The following CDH11 variants were observed in gnomAD, a reference collection of about 807,000 sequenced individuals.
CDH11 encodes the protein cadherin-11.
In CDH11, 11 loss-of-function variants were observed where a neutral mutation model predicts 67.8. That is an observed-to-expected ratio of 0.16 (90% CI 0.10 to 0.27). The LOEUF is 0.27. Among genes scored for constraint, CDH11 ranks in the 10% least tolerant of loss-of-function variants. The pLI, the probability that CDH11 is intolerant of heterozygous loss-of-function variation, is 1.00. For synonymous variants in CDH11, 419 were observed against 400.0 expected (o/e 1.05, Z -0.57); for missense variants, 847 against 1,031.2 (o/e 0.82, Z 2.45).
At chr16:65,007,823 C>T (rs2073092891) in intron 2 of CDH11, among the ~76,000 whole-genome samples, 1 of 152,138 alleles carries the variant, frequency 6.6e-6, no homozygotes, top group African/African-American at 2.4e-5. Flanking sequence ...GGGATTATAT[C>T]TTATTCACAT....
At position 64,947,291 on chromosome 16, in the gene CDH11, C is replaced by T. The variant is rs2142361992; in HGVS notation, c.*312G>A. ...AAGAAAGACTTGGATGTTCATAACA[C>T]ATAAACAATTTCCCTTCATTGTCAG... On this transcript the variant is annotated 3_prime_UTR_variant, in exon 13 of 13. Transcript: ENST00000268603. The T allele has an allele frequency of 1.7e-6, 2 of 1,162,204 alleles. No individual in the cohort carries two copies. Among genetic ancestry groups the T allele is most frequent in the Non-Finnish European group, 2.1e-6 (2 of 939,156 alleles). The allele number at this position is 1,162,204 out of a possible 1,614,324, so 72.0% of individuals were successfully genotyped here. A position where few individuals can be genotyped will look rare whatever the true frequency, so the allele number is the denominator to read the frequency against.
chr16:64,968,052 G>T (rs369471146), intron 11 of CDH11, among the ~76,000 whole-genome samples: 86 of 152,238 alleles, frequency 5.6e-4, no homozygotes, highest in African/African-American at 1.9e-3. Context: ...CTTTTGAAAT[G>T]AATTAACTAG....
intron 1 of CDH11, among the ~76,000 whole-genome samples, chr16:65,105,831 A>G (rs2075057902): frequency 6.6e-6 from 1 of 152,250 alleles, no homozygotes. Flanking sequence ...AGGGGAAACA[A>G]TACTATAGAT....
chr16:64,997,610 A>G (rs2072808223), intron 4 of CDH11, among the ~76,000 whole-genome samples: 2 of 152,140 alleles, frequency 1.3e-5, no homozygotes, highest in African/African-American at 2.4e-5. Context: ...AGGCTGAAGG[A>G]CTGGGCAGGG....
At chr16:65,074,502 C>CAT (rs142984909) in intron 1 of CDH11, among the ~76,000 whole-genome samples, 10 of 152,034 alleles carry the variant, frequency 6.6e-5, no homozygotes, top group East Asian at 1.9e-4. Flanking sequence ...TAAGATAATT[C>CAT]ATATATATAT....
intron 12 of CDH11, 150 bp downstream of exon 12, chr16:64,950,617 C>A: frequency 1.2e-6 from 1 of 831,718 alleles, no homozygotes; most frequent in Non-Finnish European, 1.8e-6. Flanking sequence ...ACAACGCCCA[C>A]CCCGCCCCCG....
chr16:64,945,770 T>G lies in CDH11; in HGVS notation c.*1833A>C. On this transcript the variant is annotated 3_prime_UTR_variant, in exon 13 of 13. Transcript: ENST00000268603. ...CATAAAAAACATTTCTTTGTATGCA[T>G]GTTGACTAAATCATAAAAATAGTAC... 1 of 1,043,760 alleles carries G rather than the reference T, an allele frequency of 9.6e-7. No individual in the cohort carries two copies. The highest frequency in any genetic ancestry group is 4.6e-5 in the South Asian group (1 of 21,804). 64.7% of individuals were successfully genotyped at this position (1,043,760 alleles called of 1,614,324 possible). A position where few individuals can be genotyped will look rare whatever the true frequency, so the allele number is the denominator to read the frequency against.
At chr16:65,120,133 T>C (rs12443573) in intron 1 of CDH11, among the ~76,000 whole-genome samples, 32,105 of 152,132 alleles carry the variant, frequency 0.21, 3,728 homozygotes, top group Middle Eastern at 0.32. Flanking sequence ...AGTTAATATT[T>C]CTGTTCTGGT....
intron 1 of CDH11, among the ~76,000 whole-genome samples, chr16:65,080,866 T>C (rs1351526010): frequency 6.6e-6 from 1 of 152,240 alleles, no homozygotes; most frequent in African/African-American, 2.4e-5. Context: ...CTTAGATTAT[T>C]GATGCATCAA....
At chr16:64,957,763 C>G (rs1338771441) in intron 11 of CDH11, among the ~76,000 whole-genome samples, 2 of 152,028 alleles carry the variant, frequency 1.3e-5, no homozygotes, top group Admixed American at 6.6e-5. Context: ...ATAGATGACA[C>G]ACAACTACAA....
chr16:64,946,813 C>T lies in CDH11; in HGVS notation c.*790G>A. ...AAATCTTTTTTTATTTCAAAGATTG[C>T]TTCTTATATTGAAGCTCATATTAAA... On this transcript the variant is annotated 3_prime_UTR_variant, in exon 13 of 13. Coordinates refer to ENST00000268603, the MANE Select transcript of CDH11 (RefSeq NM_001797.4). 1.1e-6 allele frequency: 1 copy of T among 876,826 alleles called. No individual in the cohort carries two copies. The highest frequency in any genetic ancestry group is 1.4e-6 in the Non-Finnish European group (1 of 720,042). The allele number at this position is 876,826 out of a possible 1,614,324, so 54.3% of individuals were successfully genotyped here. A position where few individuals can be genotyped will look rare whatever the true frequency, so the allele number is the denominator to read the frequency against.
intron 1 of CDH11, among the ~76,000 whole-genome samples, chr16:65,106,494 G>T (rs2075068316): frequency 6.6e-6 from 1 of 152,090 alleles, no homozygotes; most frequent in African/African-American, 2.4e-5. Flanking sequence ...CTCAAATTCG[G>T]TGTAGATTAT....
In CDH11 at chr16:64,950,822, G is replaced by A; in HGVS notation, c.1839C>T (p.Ala613=). The part of the protein sequence containing the change: ...SCNAEAYILN[A]GLSTGALIAI... ...CGATCAGGGCGCCTGTGCTCAGGCC[G>A]GCGTTCAGAATGTAGGCCTCTGCGT... The change falls in exon 12 of 13, where the codon GCC becomes GCT. Residue 613 remains alanine, a synonymous_variant. Coordinates refer to ENST00000268603, the MANE Select transcript of CDH11 (RefSeq NM_001797.4). 1 of 1,614,148 alleles carries A rather than the reference G, an allele frequency of 6.2e-7. No individual in the cohort carries two copies. The highest frequency in any genetic ancestry group is 8.5e-7 in the Non-Finnish European group (1 of 1,180,024).
intron 1 of CDH11, among the ~76,000 whole-genome samples, chr16:65,084,935 G>T (rs2074670785): frequency 6.6e-6 from 1 of 152,050 alleles, no homozygotes; most frequent in Admixed American, 6.5e-5. Flanking sequence ...TTGAGATGGA[G>T]CTTCACTCTC....
At chr16:65,021,109 A>G (rs777383437) in intron 2 of CDH11, among the ~76,000 whole-genome samples, 1 of 152,120 alleles carries the variant, frequency 6.6e-6, no homozygotes, top group African/African-American at 2.4e-5. Flanking sequence ...TGCTTCTCTG[A>G]TCCAAAAGTG....
At chr16:65,120,507 G>C (rs2075307560) in intron 1 of CDH11, among the ~76,000 whole-genome samples, 1 of 152,148 alleles carries the variant, frequency 6.6e-6, no homozygotes, top group South Asian at 2.1e-4. Flanking sequence ...CAGAGCGATC[G>C]TAGCACGATT....
At chr16:65,097,513 G>A (rs961964344) in intron 1 of CDH11, among the ~76,000 whole-genome samples, 5 of 152,134 alleles carry the variant, frequency 3.3e-5, no homozygotes, top group South Asian at 2.1e-4. Flanking sequence ...GACGTCTAGC[G>A]GCATCCCTGG....
chr16:65,062,004 C>G (rs767515955), intron 1 of CDH11, among the ~76,000 whole-genome samples: 3 of 152,148 alleles, frequency 2.0e-5, no homozygotes, highest in Non-Finnish European at 2.9e-5. Flanking sequence ...AGCCAAGACT[C>G]GGACACAGGC....
chr16:65,019,896 CA>C (rs796541490), intron 2 of CDH11, among the ~76,000 whole-genome samples: 2,279 of 141,064 alleles, frequency 0.016, 43 homozygotes, highest in African/African-American at 0.046. Context: ...TAAACTAGGC[CA>C]AAAAAAAAAA....
Sources: gnomAD v4.1 joint callset for allele counts (sites outside exome capture counted in the v4.1 genomes callset) on GRCh38, gnomAD v4.1.1 for gene constraint, MANE v1.5 for transcripts, NCBI Gene and HGNC (gene_info 2026-07-23, HGNC 2026-07-21) for gene names.